Variants in BLK observed in about 807,000 individuals in gnomAD.
BLK encodes tyrosine-protein kinase Blk.
Under a neutral mutation model 61.8 loss-of-function variants are expected in BLK, and 64 were observed. The ratio of observed to expected loss-of-function variants is 1.03; its 90% confidence interval spans 0.85 to 1.27. The LOEUF (loss-of-function observed/expected upper bound fraction) is 1.27, where lower values mean the gene tolerates loss of function less well. Among genes scored for constraint, BLK ranks in the 50% most tolerant of loss-of-function variants. The pLI, the probability that BLK is intolerant of heterozygous loss-of-function variation, is 0.00. For synonymous variants in BLK, 351 were observed against 272.0 expected (o/e 1.29, Z -2.86); for missense variants, 853 against 660.5 (o/e 1.29, Z -3.19).
Position 11,541,425 on chromosome 8 carries a change from C to T in BLK, c.-1-1799C>T, listed in dbSNP as rs542798927. Among the ~76,000 whole-genome samples the T allele has an allele frequency of 3.3e-5, 5 of 151,982 alleles. No homozygotes were observed. The East Asian group carries it at 5.8e-4, about 18-fold the overall frequency. On this transcript the variant is annotated intron_variant, in intron 1 of 12. Coordinates refer to ENST00000259089, the MANE Select transcript of BLK (RefSeq NM_001715.3). Reference sequence around the variant, plus strand: ...TGACAAATTAAAGGTGAACATACATCATATTGATCGATATTGTATAGGCAC... The same window carrying T: ...TGACAAATTAAAGGTGAACATACATTATATTGATCGATATTGTATAGGCAC...
intron 1 of BLK, among the ~76,000 whole-genome samples, chr8:11,526,991 G>T (rs565180120): frequency 6.6e-6 from 1 of 152,198 alleles, no homozygotes; most frequent in South Asian, 2.1e-4. Context: ...TGTGCTTGGG[G>T]GTCACACTCG....
chr8:11,523,438 A>T (rs1246446972), intron 1 of BLK, among the ~76,000 whole-genome samples: 1 of 152,140 alleles, frequency 6.6e-6, no homozygotes, highest in Non-Finnish European at 1.5e-5. Context: ...CTGTAGTCCC[A>T]GTTACTAGGG....
chr8:11,525,775 C>T (rs1799630325), intron 1 of BLK, among the ~76,000 whole-genome samples: 1 of 152,262 alleles, frequency 6.6e-6, no homozygotes, highest in Admixed American at 6.5e-5. Flanking sequence ...GACAGAGTCT[C>T]ATTCTGCCGC....
intron 1 of BLK, among the ~76,000 whole-genome samples, chr8:11,496,046 G>A (rs540462517): frequency 2.6e-5 from 4 of 152,306 alleles, no homozygotes; most frequent in African/African-American, 9.6e-5. Flanking sequence ...ATGGCCTGGT[G>A]ATCACACCTT....
At chr8:11,556,079 C>A (rs1235311508) in intron 8 of BLK, 3 of 226,402 alleles carry the variant, frequency 1.3e-5, no homozygotes, top group Non-Finnish European at 2.6e-5. Context: ...GGGCTGATGC[C>A]CACGGTGCTT....
rs574731221 is a variant in BLK at position 11,543,291 on chromosome 8, T to C, written c.67T>C (p.Trp23Arg). The change falls in exon 2 of 13, where the codon TGG becomes CGG. Residue 23 changes from tryptophan to arginine, a missense_variant. By Grantham distance (101) the Trp-to-Arg change is moderately radical (BLOSUM62 -3). Transcript: ENST00000259089. ...KPIKEKDKGQ[W>R]SPLKVSAQDK... ...GATCAAAGAGAAGGACAAGGGCCAA[T>C]GGAGCCCCCTGAAGGTCAGCGCCCA... The C allele has an allele frequency of 9.3e-6, 15 of 1,613,722 alleles. No homozygotes were observed. The highest frequency in any genetic ancestry group is 3.3e-4 in the Middle Eastern group (2 of 6,084).
chr8:11,563,810 C>G (rs1801600458), intron 12 of BLK, 93 bp from the exon 13 acceptor site: 29 of 1,274,136 alleles, frequency 2.3e-5, no homozygotes, highest in Middle Eastern at 2.5e-4. Flanking sequence ...CTGTCCCTTG[C>G]CTGGGCCCAC....
chr8:11,497,998 A>G (rs979445681), intron 1 of BLK, among the ~76,000 whole-genome samples: 1 of 152,246 alleles, frequency 6.6e-6, no homozygotes, highest in African/African-American at 2.4e-5. Flanking sequence ...AGCCCAAGAC[A>G]TAGACGAGGC....
chr8:11,528,396 T>C (rs1799758115), intron 1 of BLK, among the ~76,000 whole-genome samples: 1 of 152,272 alleles, frequency 6.6e-6, no homozygotes, highest in Non-Finnish European at 1.5e-5. Context: ...CTTTGGTTTA[T>C]GGCCAGCAAT....
chr8:11,529,853 A>G (rs1340954533), intron 1 of BLK, among the ~76,000 whole-genome samples: 3 of 152,158 alleles, frequency 2.0e-5, no homozygotes, highest in African/African-American at 7.2e-5. Flanking sequence ...GGCAGTTTCA[A>G]AAGTCCTAGC....
intron 1 of BLK, among the ~76,000 whole-genome samples, chr8:11,526,821 C>A (rs765936688): frequency 4.6e-5 from 7 of 152,174 alleles, no homozygotes; most frequent in African/African-American, 1.4e-4. Flanking sequence ...GAAAATCAGG[C>A]ACTACAATAA....
intron 2 of BLK, among the ~76,000 whole-genome samples, chr8:11,544,698 C>G (rs2117457953): frequency 6.6e-6 from 1 of 152,238 alleles, no homozygotes; most frequent in South Asian, 2.1e-4. Flanking sequence ...TGTAGAGTCA[C>G]CAGAGTTGCC....
At chr8:11,540,700 A>C (rs762000020) in intron 1 of BLK, among the ~76,000 whole-genome samples, 3 of 152,188 alleles carry the variant, frequency 2.0e-5, no homozygotes, top group Non-Finnish European at 4.4e-5. Flanking sequence ...AAAGAGGAGA[A>C]AAAATGGGAA....
At chr8:11,548,417 T>A (rs1240536959) in intron 4 of BLK, among the ~76,000 whole-genome samples, 1 of 152,246 alleles carries the variant, frequency 6.6e-6, no homozygotes, top group African/African-American at 2.4e-5. Context: ...GACCTTGTCC[T>A]TTATGCAGGC....
At chr8:11,548,264 T>A (rs1197872503) in intron 4 of BLK, 139 bp downstream of exon 4, 2 of 703,738 alleles carry the variant, frequency 2.8e-6, no homozygotes, top group Non-Finnish European at 4.8e-6. Flanking sequence ...GCCCCAGCAT[T>A]TTCTTGAACT....
intron 1 of BLK, among the ~76,000 whole-genome samples, chr8:11,519,957 T>C (rs987053962): frequency 6.6e-6 from 1 of 152,236 alleles, no homozygotes; most frequent in African/African-American, 2.4e-5. Context: ...AAACGTTTTC[T>C]TTATAATTTC....
In BLK at chr8:11,549,125, A is replaced by G; in HGVS notation, c.368+3A>G. The G allele has an allele frequency of 1.3e-6, 2 of 1,599,258 alleles. No individual in the cohort carries two copies. The highest frequency in any genetic ancestry group is 1.7e-6 in the Non-Finnish European group (2 of 1,172,608). ...GTGGAGAGCCTGGAAATGGAAAGGT[A>G]GGTGGGCACGGGAACCCCCCTCGAG... On this transcript the variant is annotated splice_donor_region_variant and intron_variant, in intron 5 of 12. Transcript: ENST00000259089.
At position 11,561,332 on chromosome 8, in the gene BLK, A is replaced by G. The variant is rs1410175200; in HGVS notation, c.1060A>G (p.Met354Val). 10 of 1,614,042 alleles carry G rather than the reference A, an allele frequency of 6.2e-6. No individual in the cohort carries two copies. Among genetic ancestry groups the G allele is most frequent in the Admixed American group, 1.7e-5 (1 of 60,014 alleles). Residue 354 changes from methionine (M) to valine (V), a missense_variant, in exon 11 of 13, where the codon ATG (methionine) becomes GTG (valine). Physicochemically the swap from Met to Val is conservative, Grantham distance 21. Coordinates refer to ENST00000259089, the MANE Select transcript of BLK (RefSeq NM_001715.3). ...IAEGMAYIER[M>V]NSIHRDLRAA... Reference sequence around the variant, plus strand: ...TGAAGGGATGGCATACATTGAGCGCATGAATTCCATCCACCGCGACCTGCG... The same window carrying G: ...TGAAGGGATGGCATACATTGAGCGCGTGAATTCCATCCACCGCGACCTGCG...
At chr8:11,514,994 T>A (rs1300001502) in intron 1 of BLK, among the ~76,000 whole-genome samples, 1 of 152,064 alleles carries the variant, frequency 6.6e-6, no homozygotes, top group East Asian at 1.9e-4. Flanking sequence ...GACTTTCACC[T>A]CTTCTGGAGT....
Sources: allele counts gnomAD v4.1 joint callset (sites outside exome capture counted in the v4.1 genomes callset), GRCh38; gene constraint gnomAD v4.1.1; transcripts MANE v1.5; gene names NCBI Gene and HGNC (gene_info 2026-07-23, HGNC 2026-07-21).